The following STX8 variants were observed in gnomAD, a reference collection of about 807,000 sequenced individuals.
The protein encoded by STX8 is syntaxin 8.
STX8 carries 23 observed loss-of-function variants against 37.5 expected under a neutral mutation model. The observed-to-expected ratio is 0.61, with a 90% CI of 0.44 to 0.87. The LOEUF (loss-of-function observed/expected upper bound fraction) is 0.87. Among genes scored for constraint, STX8 ranks in the 40% least tolerant of loss-of-function variants. The pLI is 0.00. For missense variants in STX8, 313 were observed against 284.7 expected, an observed-to-expected ratio of 1.10 and a Z score of -0.71; for synonymous variants, 115 against 99.1, an observed-to-expected ratio of 1.16 and a Z score of -0.95.
At chr17:9,573,080 A>ACCCCCCCCCCCCC (rs71135994) in intron 1 of STX8, among the ~76,000 whole-genome samples, 11 of 101,576 alleles carry the variant, frequency 1.1e-4, no homozygotes, top group Non-Finnish European at 1.2e-4. Context: ...CACCCCCAAC[A>ACCCCCCCCCCCCC]CCCCCCCCCA....
intron 6 of STX8, among the ~76,000 whole-genome samples, chr17:9,448,846 C>A (rs1447329514): frequency 1.3e-5 from 2 of 151,936 alleles, no homozygotes; most frequent in East Asian, 3.9e-4. Flanking sequence ...TCAGAAATGA[C>A]CTTAATACAA....
At position 9,568,402 on chromosome 17, in the gene STX8, T is replaced by C; in HGVS notation, c.86A>G (p.Gln29Arg). Reference protein sequence around the residue: ...EIAEKIQQRNQYERKGEKAPK... With the variant: ...EIAEKIQQRNRYERKGEKAPK... The stretch of plus-strand genomic sequence containing the variant: ...TGCCTTTTCACCTTTTCTTTCATAT[T>C]GATTTCGTTGTTGAATTTTCTCAGC... The change falls in exon 2 of 8, where the codon CAA becomes CGA. Residue 29 changes from glutamine (Q) to arginine (R), a missense_variant. By Grantham distance (43) the Gln-to-Arg change is conservative (BLOSUM62 1). Coordinates refer to ENST00000306357, the MANE Select transcript of STX8 (RefSeq NM_004853.3). The C allele has an allele frequency of 6.2e-7, 1 of 1,612,494 alleles. No homozygotes were observed. Among genetic ancestry groups the C allele is most frequent in the Non-Finnish European group, 8.5e-7 (1 of 1,179,774 alleles).
intron 7 of STX8, among the ~76,000 whole-genome samples, chr17:9,327,245 GAGGA>G (rs1185694934): frequency 2.0e-5 from 3 of 150,192 alleles, no homozygotes; most frequent in African/African-American, 7.4e-5. Flanking sequence ...GAGGACAGAG[GAGGA>G]AGGAGGAAGG....
rs1003496249 is a variant in STX8 at position 9,381,759 on chromosome 17, A to G, written c.542-3106T>C. Among the ~76,000 whole-genome samples, 3 of 152,350 alleles carry G rather than the reference A, an allele frequency of 2.0e-5. No homozygotes were observed. In the East Asian group the frequency reaches 5.8e-4, roughly 29 times the overall value. ...GCCGAGGCGGGCGGATCACAAGGTC[A>G]GGAGTTTGAGACCAGCCTGGCCAAC... On this transcript the variant is annotated intron_variant, in intron 6 of 7. Transcript: ENST00000306357.
At chr17:9,526,623 G>A (rs925871407) in intron 4 of STX8, among the ~76,000 whole-genome samples, 1 of 152,232 alleles carries the variant, frequency 6.6e-6, no homozygotes, top group African/African-American at 2.4e-5. Flanking sequence ...TGTAATCCCA[G>A]CACTTTGGGG....
At chr17:9,559,641 G>A (rs904358812) in intron 2 of STX8, among the ~76,000 whole-genome samples, 2 of 146,836 alleles carry the variant, frequency 1.4e-5, no homozygotes, top group Non-Finnish European at 3.0e-5. Flanking sequence ...AAAATACAAG[G>A]ACTACAAGGA....
chr17:9,493,848 T>C (rs780036045), intron 5 of STX8, among the ~76,000 whole-genome samples: 6 of 152,192 alleles, frequency 3.9e-5, no homozygotes, highest in Non-Finnish European at 5.9e-5. Flanking sequence ...ATACTTATAA[T>C]AGTGAAAAAT....
In STX8 at chr17:9,462,172, A is replaced by G. The variant is rs187574698; in HGVS notation, c.541+29657T>C. On this transcript the variant is annotated intron_variant, in intron 6 of 7. Coordinates refer to ENST00000306357, the MANE Select transcript of STX8 (RefSeq NM_004853.3). Reference sequence around the variant, plus strand: ...TTAGAGAATCAGGGGAACAAACATGACAGTGGCTGGTTCTATCGGAGGAGA... The same window carrying G: ...TTAGAGAATCAGGGGAACAAACATGGCAGTGGCTGGTTCTATCGGAGGAGA... Among the ~76,000 whole-genome samples, 490 of 152,250 alleles carry G rather than the reference A, an allele frequency of 3.2e-3. 8 individuals carry two copies. Among genetic ancestry groups the G allele is most frequent in the Admixed American group, 0.03 (455 of 15,282 alleles).
chr17:9,325,711 C>T (rs1242171405), intron 7 of STX8, among the ~76,000 whole-genome samples: 1 of 152,238 alleles, frequency 6.6e-6, no homozygotes, highest in African/African-American at 2.4e-5. Context: ...TGGAAGTTTG[C>T]AGTGAACATG....
Position 9,545,263 on chromosome 17 carries a change from G to T in STX8, c.232C>A (p.Arg78=). ...AGATCATCCAAGAGGTTCTGTCTTC[G>T]GTCCCCTTCAAGCTGTGTTCTGCAG... The part of the protein sequence containing the change: ...THQITQLEGD[R]RQNLLDDLVT... Residue 78 remains arginine, a synonymous_variant, in exon 4 of 8, where the codon CGA becomes AGA. Transcript: ENST00000306357. The T allele has an allele frequency of 6.2e-7, 1 of 1,613,812 alleles. No homozygotes were observed. Among genetic ancestry groups the T allele is most frequent in the Non-Finnish European group, 8.5e-7 (1 of 1,179,834 alleles).
intron 6 of STX8, among the ~76,000 whole-genome samples, chr17:9,414,325 T>C (rs1913101884): frequency 6.6e-6 from 1 of 151,772 alleles, no homozygotes; most frequent in Admixed American, 6.6e-5. Context: ...CAGAACTTTT[T>C]TTTTTTCATT....
chr17:9,413,930 C>A (rs1320304522), intron 6 of STX8, among the ~76,000 whole-genome samples: 1 of 151,994 alleles, frequency 6.6e-6, no homozygotes, highest in Non-Finnish European at 1.5e-5. Context: ...GTCCATCCAC[C>A]CATCCGCCCA....
intron 7 of STX8, among the ~76,000 whole-genome samples, chr17:9,296,519 A>G (rs944122182): frequency 4.8e-5 from 7 of 146,190 alleles, no homozygotes; most frequent in African/African-American, 1.6e-4. Flanking sequence ...AAAAAAATGT[A>G]TATTAGTGTA....
intron 6 of STX8, among the ~76,000 whole-genome samples, chr17:9,430,027 A>ATATATT (rs1425327339): frequency 6.6e-5 from 1 of 15,042 alleles, no homozygotes; most frequent in East Asian, 7.0e-4. Flanking sequence ...TATTATATAT[A>ATATATT]ATATATTCTA....
chr17:9,550,201 G>A (rs1293696618), intron 3 of STX8, among the ~76,000 whole-genome samples: 4 of 150,784 alleles, frequency 2.7e-5, no homozygotes, highest in Admixed American at 6.6e-5. Flanking sequence ...TCCAGCCTGG[G>A]CAACAAAGTG....
At chr17:9,536,738 C>A (rs773583447) in intron 4 of STX8, among the ~76,000 whole-genome samples, 6 of 144,022 alleles carry the variant, frequency 4.2e-5, no homozygotes, top group Non-Finnish European at 9.0e-5. Context: ...CAAGAATGGG[C>A]TTATTATTAT....
At chr17:9,441,319 G>A (rs998502855) in intron 6 of STX8, among the ~76,000 whole-genome samples, 3 of 151,720 alleles carry the variant, frequency 2.0e-5, no homozygotes, top group Non-Finnish European at 4.4e-5. Context: ...ATGAAACCCT[G>A]TCTCTACTAA....
intron 7 of STX8, among the ~76,000 whole-genome samples, chr17:9,370,038 AC>A (rs772589003): frequency 2.6e-5 from 4 of 151,716 alleles, no homozygotes; most frequent in Non-Finnish European, 5.9e-5. Flanking sequence ...ACATGGTGAA[AC>A]CCCGTCTCTA....
chr17:9,440,816 C>CCTCCTTAAAAAAT (rs1904621614), intron 6 of STX8, among the ~76,000 whole-genome samples: 1 of 151,604 alleles, frequency 6.6e-6, no homozygotes, highest in Non-Finnish European at 1.5e-5. Flanking sequence ...TGAGCCACCG[C>CCTCCTTAAAAAAT]ATCCAGCCTG....
Sources: gnomAD v4.1 joint callset for allele counts (sites outside exome capture counted in the v4.1 genomes callset) on GRCh38, gnomAD v4.1.1 for gene constraint, MANE v1.5 for transcripts, NCBI Gene and HGNC (gene_info 2026-07-23, HGNC 2026-07-21) for gene names.